The following TSPAN8 variants were observed in gnomAD, a reference collection of about 807,000 sequenced individuals.
TSPAN8 encodes tetraspanin 8.
A neutral mutation model predicts 32.8 loss-of-function variants in TSPAN8; 21 were observed. The ratio of observed to expected loss-of-function variants is 0.64; its 90% confidence interval spans 0.45 to 0.92. The LOEUF (loss-of-function observed/expected upper bound fraction) is 0.92, where lower values mean the gene tolerates loss of function less well. TSPAN8 is among the 40% of genes least tolerant of loss of function. TSPAN8 has a pLI of 0.00. For missense variants in TSPAN8, 269 were observed against 281.9 expected (o/e 0.95, Z 0.33); for synonymous variants, 95 against 94.6 (o/e 1.00, Z -0.03).
rs191243834 is a variant in TSPAN8, at chr12:71,143,267, C to T, written c.123+884G>A. 9.2e-5 allele frequency among the ~76,000 whole-genome samples: 14 copies of T among 152,170 alleles called. No homozygotes were observed. The East Asian group carries it at 2.3e-3, about 25-fold the overall frequency. The stretch of plus-strand genomic sequence containing the variant: ...GAAGGGAGAGAAAAGAATAAAAGCA[C>T]GGGAGCCAGGAAATGGTGCCAGGGT... On this transcript the variant is annotated intron_variant, in intron 3 of 8. Coordinates refer to ENST00000247829, the MANE Select transcript of TSPAN8 (RefSeq NM_004616.3).
Position 71,138,333 on chromosome 12 carries a change from G to C in TSPAN8, c.262-103C>G. ...TCTCTACAGCTGGGATTATATCACA[G>C]TGAGAGTGTCAGTCACACTCTTCAT... On this transcript the variant is annotated intron_variant, in intron 4 of 8. Transcript: ENST00000247829. The C allele has an allele frequency of 2.7e-6, 3 of 1,096,882 alleles. No individual in the cohort carries two copies. In the South Asian group the frequency reaches 4.7e-5, roughly 17 times the overall value. The allele number at this position is 1,096,882 out of a possible 1,614,324, so 67.9% of individuals were successfully genotyped here.
At position 71,132,908 on chromosome 12, in the gene TSPAN8, T is replaced by C. The variant is rs1025622306; in HGVS notation, c.445-84A>G. 1.1e-5 allele frequency: 16 copies of C among 1,477,748 alleles called. No individual in the cohort carries two copies. The African/African-American group carries it at 2.1e-4, about 20-fold the overall frequency. The allele number at this position is 1,477,748 out of a possible 1,614,324, so 91.5% of individuals were successfully genotyped here. On this transcript the variant is annotated intron_variant, in intron 6 of 8. Transcript: ENST00000247829. The stretch of plus-strand genomic sequence containing the variant: ...TACATTAAATTATAATCTTCTGAAA[T>C]CATTATTAAAGGTTATTATGCTAAA...
chr12:71,142,847 C>CA (rs370834723), intron 3 of TSPAN8, among the ~76,000 whole-genome samples: 55,253 of 131,338 alleles, frequency 0.42, 11,459 homozygotes, highest in Admixed American at 0.55. Context: ...AGGAAAAAAA[C>CA]AAAAAAAAAA....
intron 8 of TSPAN8, among the ~76,000 whole-genome samples, chr12:71,128,527 T>C (rs1337469276): frequency 6.6e-6 from 1 of 152,186 alleles, no homozygotes; most frequent in Non-Finnish European, 1.5e-5. Context: ...GAATTTGATC[T>C]ACTTGATATT....
intron 3 of TSPAN8, 132 bp downstream of exon 3, chr12:71,144,019 G>T: frequency 1.4e-6 from 1 of 699,490 alleles, no homozygotes; most frequent in Non-Finnish European, 2.3e-6. Flanking sequence ...TCACATAACA[G>T]CACAAGTGAT....
At chr12:71,145,332 A>G (rs950440175) in intron 2 of TSPAN8, among the ~76,000 whole-genome samples, 6 of 152,112 alleles carry the variant, frequency 3.9e-5, no homozygotes, top group African/African-American at 1.2e-4. Context: ...TTTTGAATGG[A>G]GAAATTGGAA....
chr12:71,127,057 G>A (rs4115678), intron 8 of TSPAN8, among the ~76,000 whole-genome samples: 48,345 of 151,856 alleles, frequency 0.32, 8,539 homozygotes, highest in Non-Finnish European at 0.41. Context: ...TAAATATGGG[G>A]CGGTCTTTTT....
At chr12:71,140,538 A>C (rs1592405136) in intron 3 of TSPAN8, among the ~76,000 whole-genome samples, 1 of 152,284 alleles carries the variant, frequency 6.6e-6, no homozygotes, top group East Asian at 1.9e-4. Context: ...TGTTCCCAAA[A>C]GCCATAGTCC....
At chr12:71,148,260 C>A (rs1477910666) in intron 2 of TSPAN8, among the ~76,000 whole-genome samples, 1 of 152,062 alleles carries the variant, frequency 6.6e-6, no homozygotes, top group Non-Finnish European at 1.5e-5. Flanking sequence ...AGTGTGAATA[C>A]CTGAAGATCT....
chr12:71,142,850 A>AC (rs1555195657), intron 3 of TSPAN8, among the ~76,000 whole-genome samples: 13,186 of 139,282 alleles, frequency 0.095, 901 homozygotes, highest in African/African-American at 0.22. Flanking sequence ...AAAAAAACAA[A>AC]AAAAAAAAAA....
intron 8 of TSPAN8, among the ~76,000 whole-genome samples, chr12:71,126,887 T>C (rs1341647468): frequency 6.6e-6 from 1 of 151,980 alleles, no homozygotes; most frequent in Non-Finnish European, 1.5e-5. Flanking sequence ...ATTCCAAAAA[T>C]GTCTATAGAT....
chr12:71,140,951 A>G (rs1308000004), intron 3 of TSPAN8, among the ~76,000 whole-genome samples: 1 of 152,200 alleles, frequency 6.6e-6, no homozygotes, highest in Admixed American at 6.5e-5. Context: ...TACAAAAATG[A>G]CTGCTATGTT....
chr12:71,157,584 T>G (rs762623623), intron 2 of TSPAN8, 35 bp downstream of exon 2: 4 of 1,424,366 alleles, frequency 2.8e-6, no homozygotes, highest in Non-Finnish European at 3.0e-6. Context: ...TCCCCTTTCT[T>G]GCATAAAATT....
At chr12:71,130,770 C>A (rs1349106147) in intron 7 of TSPAN8, among the ~76,000 whole-genome samples, 1 of 152,078 alleles carries the variant, frequency 6.6e-6, no homozygotes, top group Non-Finnish European at 1.5e-5. Flanking sequence ...GAGTCACATT[C>A]ATTATGTTTC....
intron 2 of TSPAN8, among the ~76,000 whole-genome samples, chr12:71,153,876 A>C (rs1350779575): frequency 2.0e-5 from 3 of 152,210 alleles, no homozygotes; most frequent in African/African-American, 7.2e-5. Flanking sequence ...TCTTATGTAG[A>C]GATTGTAAAT....
At chr12:71,141,998 C>T (rs1187001876) in intron 3 of TSPAN8, among the ~76,000 whole-genome samples, 12 of 152,338 alleles carry the variant, frequency 7.9e-5, no homozygotes, top group Admixed American at 2.6e-4. Flanking sequence ...TCATGAGACA[C>T]TTCAGCAGAA....
intron 3 of TSPAN8, among the ~76,000 whole-genome samples, chr12:71,142,847 C>CAAAA (rs370834723): frequency 5.3e-5 from 7 of 131,622 alleles, no homozygotes; most frequent in Admixed American, 7.5e-5. Flanking sequence ...AGGAAAAAAA[C>CAAAA]AAAAAAAAAA....
intron 2 of TSPAN8, among the ~76,000 whole-genome samples, chr12:71,155,948 G>A (rs1302355420): frequency 2.6e-5 from 4 of 151,944 alleles, no homozygotes; most frequent in Non-Finnish European, 4.4e-5. Context: ...GGCCAGGCTG[G>A]TCTCAAACTC....
rs1871903187 is a variant in TSPAN8, at chr12:71,141,508, T to A, written c.124-1660A>T. On this transcript the variant is annotated intron_variant, in intron 3 of 8. Transcript: ENST00000247829. Reference sequence around the variant, plus strand: ...GCCTCGCTAGCTGGGTTATCAGAACTTAGAAAAGATATGCCAGACATACAA... The same window carrying A: ...GCCTCGCTAGCTGGGTTATCAGAACATAGAAAAGATATGCCAGACATACAA... 2.7e-5 allele frequency among the ~76,000 whole-genome samples: 4 copies of A among 147,860 alleles called. No homozygotes were observed. In the Admixed American group the frequency reaches 2.7e-4, roughly 10 times the overall value.
Sources: gnomAD v4.1 joint callset for allele counts (sites outside exome capture counted in the v4.1 genomes callset) on GRCh38, gnomAD v4.1.1 for gene constraint, MANE v1.5 for transcripts, NCBI Gene and HGNC (gene_info 2026-07-23, HGNC 2026-07-21) for gene names.